Variants in TRMT1 observed in about 807,000 individuals in gnomAD.
TRMT1 encodes the protein tRNA methyltransferase 1.
A neutral mutation model predicts 75.4 loss-of-function variants in TRMT1; 63 were observed. That is an observed-to-expected ratio of 0.84 (90% CI 0.68 to 1.03). The LOEUF is 1.03. TRMT1 is among the 50% of genes least tolerant of loss of function. The pLI is 0.00. For synonymous variants in TRMT1, 382 were observed against 358.1 expected (o/e 1.07, Z -0.75); for missense variants, 870 against 905.3 (o/e 0.96, Z 0.50).
chr19:13,112,590 C>T, intron 7 of TRMT1, 115 bp downstream of exon 7: 1 of 939,118 alleles, frequency 1.1e-6, no homozygotes, highest in Non-Finnish European at 1.6e-6. Flanking sequence ...ATGCATCTGG[C>T]CATCAGCCTG....
chr19:13,107,833 CG>C lies in TRMT1; in HGVS notation c.1423del (p.Arg475GlyfsTer12). 6.4e-7 allele frequency: 1 copy of C among 1,551,624 alleles called. No homozygotes were observed. Among genetic ancestry groups the C allele is most frequent in the East Asian group, 2.4e-5 (1 of 40,910 alleles). Reference protein sequence around the residue: ...LRSALLHADFRVSLSHACKNA... With the variant: ...LRSALLHADFXVSLSHACKNA... ...CTTACAGGCGTGGGAGAGTGAGACC[CG>C]GAAGTCAGCGTGGAGGAGGGCCGAC... On this transcript the variant is annotated frameshift_variant, in exon 13 of 17. Coordinates refer to ENST00000357720, the MANE Select transcript of TRMT1 (RefSeq NM_001136035.4). LOFTEE classifies it high-confidence loss of function.
intron 14 of TRMT1, among the ~76,000 whole-genome samples, chr19:13,106,601 G>C (rs1166853164): frequency 6.7e-6 from 1 of 149,580 alleles, no homozygotes. Context: ...TCAGCCTCCC[G>C]AGTAGCTGGG....
At chr19:13,110,121 C>T (rs760636543) in intron 8 of TRMT1, 37 bp downstream of exon 8, 1 of 1,609,804 alleles carries the variant, frequency 6.2e-7, no homozygotes, top group South Asian at 1.1e-5. Flanking sequence ...CCTGTCTCCT[C>T]TCTCAATCCA....
Position 13,110,308 on chromosome 19 carries a change from TGGG to T in TRMT1, c.871-5_871-3del. On this transcript the variant is annotated splice_polypyrimidine_tract_variant and splice_region_variant and intron_variant, in intron 7 of 16. Coordinates refer to ENST00000357720, the MANE Select transcript of TRMT1 (RefSeq NM_001136035.4). The stretch of plus-strand genomic sequence containing the variant: ...GCTGTGCAGGACGATTCTCAGGGCC[TGGG>T]GGTGGGGGGTGGGTGTCAGCCTCCC... 1.5e-6 allele frequency: 1 copy of T among 685,342 alleles called. No homozygotes were observed. Among genetic ancestry groups the T allele is most frequent in the Non-Finnish European group, 2.5e-6 (1 of 402,558 alleles). The allele number at this position is 685,342 out of a possible 1,614,324, so 42.5% of individuals were successfully genotyped here.
chr19:13,112,785 C>T lies in TRMT1; in HGVS notation c.790G>A (p.Val264Met). ...LLCVTCTDMA[V>M]LAGNSGETCY... ...GTCTCCCCGCTGTTCCCCGCCAACA[C>T]CGCCATGTCTGTGCAGGTCACACAC... Residue 264 changes from valine to methionine, a missense_variant, in exon 7 of 17, where the codon GTG becomes ATG. Val to Met is a conservative substitution (Grantham distance 21). Coordinates refer to ENST00000357720, the MANE Select transcript of TRMT1 (RefSeq NM_001136035.4). 1 of 1,614,162 alleles carries T rather than the reference C, an allele frequency of 6.2e-7. No homozygotes were observed. The highest frequency in any genetic ancestry group is 8.5e-7 in the Non-Finnish European group (1 of 1,180,024).
chr19:13,105,203 T>A (rs1259769133), intron 16 of TRMT1, 64 bp downstream of exon 16: 2 of 1,567,870 alleles, frequency 1.3e-6, no homozygotes, highest in Non-Finnish European at 1.7e-6. Flanking sequence ...CCCAATTCTC[T>A]CCCTGTTGCC....
At chr19:13,109,286 A>C (rs1381924624) in intron 12 of TRMT1, 95 bp downstream of exon 12, 12 of 1,420,298 alleles carry the variant, frequency 8.4e-6, no homozygotes, top group Non-Finnish European at 1.2e-5. Flanking sequence ...GGTTCTCCCC[A>C]CCCCCTCGCA....
At chr19:13,113,346 T>C (rs2019214743) in intron 5 of TRMT1, among the ~76,000 whole-genome samples, 1 of 152,016 alleles carries the variant, frequency 6.6e-6, no homozygotes, top group South Asian at 2.1e-4. Flanking sequence ...GTATTTTTAG[T>C]AGAGATGGGG....
At chr19:13,108,210 C>T (rs2018971830) in intron 12 of TRMT1, among the ~76,000 whole-genome samples, 1 of 151,630 alleles carries the variant, frequency 6.6e-6, no homozygotes, top group Non-Finnish European at 1.5e-5. Context: ...AGGATGGTCT[C>T]GATCTCTTAA....
At chr19:13,108,820 C>G (rs371806500) in intron 12 of TRMT1, among the ~76,000 whole-genome samples, 2 of 149,246 alleles carry the variant, frequency 1.3e-5, no homozygotes, top group Non-Finnish European at 3.0e-5. Flanking sequence ...ATTTTGACCA[C>G]GCTGGTCTTG....
rs751482306 is a variant in TRMT1, at chr19:13,115,279, C to T, written c.641G>A (p.Arg214Gln). The T allele has an allele frequency of 1.2e-6, 2 of 1,609,244 alleles. No homozygotes were observed. Among genetic ancestry groups the T allele is most frequent in the African/African-American group, 1.3e-5 (1 of 74,982 alleles). ...CTAGGCTGTGATGCCCAGAACCTACCGGGCATCTGCTTGGCTCGGCTGTAC... is the reference window on the plus strand; with the variant it reads ...CTAGGCTGTGATGCCCAGAACCTACTGGGCATCTGCTTGGCTCGGCTGTAC... Reference protein sequence around the residue: ...HLVQPSQADARMLMYQHQRVS... With the variant: ...HLVQPSQADAQMLMYQHQRVS... The change falls in exon 5 of 17, where the codon CGG becomes CAG. Residue 214 changes from arginine to glutamine, a missense_variant and splice_region_variant. Transcript: ENST00000357720.
Position 13,116,662 on chromosome 19 carries a change from T to A in TRMT1, c.-42A>T. ...CCTAGCCCGTCCTCACCTGCTCTCG[T>A]AGCCACAGAAAACCGAATTAGTCAA... On this transcript the variant is annotated 5_prime_UTR_variant, in exon 1 of 17. Transcript: ENST00000357720. The A allele has an allele frequency of 2.0e-6, 1 of 511,846 alleles. No individual in the cohort carries two copies. Among genetic ancestry groups the A allele is most frequent in the Non-Finnish European group, 3.5e-6 (1 of 289,700 alleles). 31.7% of individuals were successfully genotyped at this position (511,846 alleles called of 1,614,324 possible).
chr19:13,112,677 C>CCTGG, intron 7 of TRMT1, 28 bp downstream of exon 7: 1 of 1,602,186 alleles, frequency 6.2e-7, no homozygotes, highest in Non-Finnish European at 8.5e-7. Flanking sequence ...CCCCGGTCTC[C>CCTGG]CTGGCTGGCT....
intron 5 of TRMT1, among the ~76,000 whole-genome samples, chr19:13,114,656 C>T (rs561110680): frequency 2.7e-5 from 4 of 147,106 alleles, no homozygotes; most frequent in South Asian, 2.1e-4. Flanking sequence ...AGCGAGACTC[C>T]GTGTCAAAAA....
intron 7 of TRMT1, among the ~76,000 whole-genome samples, chr19:13,111,024 A>G (rs2240659): frequency 0.73 from 110,711 of 152,140 alleles, 40,998 homozygotes; most frequent in African/African-American, 0.78. Flanking sequence ...AGGAGACAGC[A>G]TTTCCCGGGC....
intron 16 of TRMT1, 72 bp from the exon 17 acceptor site, chr19:13,105,153 T>C: frequency 6.5e-7 from 1 of 1,547,678 alleles, no homozygotes; most frequent in Non-Finnish European, 8.7e-7. Flanking sequence ...TTTCCTGGGA[T>C]GGGAAGCCCA....
Position 13,105,032 on chromosome 19 carries a change from G to A in TRMT1, c.1883C>T (p.Thr628Ile), listed in dbSNP as rs577720271. Residue 628 changes from threonine (T) to isoleucine (I), a missense_variant, in exon 17 of 17, where the codon ACA becomes ATA. Physicochemically the swap from Thr to Ile is moderately conservative, Grantham distance 89. Coordinates refer to ENST00000357720, the MANE Select transcript of TRMT1 (RefSeq NM_001136035.4). ...DQCCYSHSPP[T>I]PRVSADAAPD... is the part of the protein sequence containing the mutation. ...GGCAGCATCAGCAGAAACCCTGGGT[G>A]TCGGGGGGCTGTGGGAGTAGCAGCA... The A allele has an allele frequency of 5.6e-5, 90 of 1,610,644 alleles. No homozygotes were observed. The East Asian group carries it at 1.9e-3, about 34-fold the overall frequency.
chr19:13,115,292 G>T lies in TRMT1; in HGVS notation c.628C>A (p.Gln210Lys). 6.2e-7 allele frequency: 1 copy of T among 1,612,388 alleles called. No individual in the cohort carries two copies. ...NDVAHLVQPS[Q>K]ADARMLMYQH... is the part of the protein sequence containing the mutation. ...CCCAGAACCTACCGGGCATCTGCTT[G>T]GCTCGGCTGTACCAGGTGGGCCACG... Residue 210 changes from glutamine (Q) to lysine (K), a missense_variant, in exon 5 of 17, where the codon CAA (glutamine) becomes AAA (lysine). Coordinates refer to ENST00000357720, the MANE Select transcript of TRMT1 (RefSeq NM_001136035.4).
rs1160318515 is a variant in TRMT1, at chr19:13,114,882, G to A, written c.641+397C>T. ...AAGCAAACAAACAAAAAAAGGCTGTGAGCCCCACAGGCTATAGTTTGCCAA... is the reference window on the plus strand; with the variant it reads ...AAGCAAACAAACAAAAAAAGGCTGTAAGCCCCACAGGCTATAGTTTGCCAA... On this transcript the variant is annotated intron_variant, in intron 5 of 16. Transcript: ENST00000357720. 2.6e-5 allele frequency among the ~76,000 whole-genome samples: 4 copies of A among 152,148 alleles called. No individual in the cohort carries two copies. The East Asian group carries it at 7.7e-4, about 29-fold the overall frequency.
Sources: gnomAD v4.1 joint callset for allele counts (sites outside exome capture counted in the v4.1 genomes callset) on GRCh38, gnomAD v4.1.1 for gene constraint, MANE v1.5 for transcripts, NCBI Gene and HGNC (gene_info 2026-07-23, HGNC 2026-07-21) for gene names.